Variants in NXPH1 observed in about 807,000 individuals in gnomAD.
NXPH1 encodes the protein neurexophilin-1.
A neutral mutation model predicts 23.7 loss-of-function variants in NXPH1; 5 were observed. That is an observed-to-expected ratio of 0.21 (90% CI 0.11 to 0.44). The LOEUF is 0.44. Among genes scored for constraint, NXPH1 ranks in the 20% least tolerant of loss-of-function variants. The pLI, the probability that NXPH1 is intolerant of heterozygous loss-of-function variation, is 0.99. For synonymous variants in NXPH1, 144 were observed against 122.2 expected, an observed-to-expected ratio of 1.18 and a Z score of -1.18; for missense variants, 324 against 321.6, an observed-to-expected ratio of 1.01 and a Z score of -0.06.
At chr7:8,528,834 C>T (rs907255372) in intron 2 of NXPH1, among the ~76,000 whole-genome samples, 1 of 152,200 alleles carries the variant, frequency 6.6e-6, no homozygotes, top group Non-Finnish European at 1.5e-5. Context: ...TTCTATTGCT[C>T]TAATAACAAA....
intron 2 of NXPH1, among the ~76,000 whole-genome samples, chr7:8,561,075 CACCAA>C (rs1190348455): frequency 6.6e-6 from 1 of 151,626 alleles, no homozygotes; most frequent in Admixed American, 6.6e-5. Flanking sequence ...AGGGCAGCAG[CACCAA>C]TTATAACTAC....
At chr7:8,586,147 A>T (rs1818976016) in intron 2 of NXPH1, among the ~76,000 whole-genome samples, 1 of 152,186 alleles carries the variant, frequency 6.6e-6, no homozygotes, top group South Asian at 2.1e-4. Flanking sequence ...TAAGAATGGA[A>T]TCAATTGACT....
At chr7:8,586,857 G>T (rs28670709) in intron 2 of NXPH1, among the ~76,000 whole-genome samples, 59,194 of 151,780 alleles carry the variant, frequency 0.39, 14,665 homozygotes, top group African/African-American at 0.71. Flanking sequence ...GAATTTTAAT[G>T]CATCAGACTA....
intron 2 of NXPH1, among the ~76,000 whole-genome samples, chr7:8,666,969 A>G (rs1392604679): frequency 6.6e-6 from 1 of 151,944 alleles, no homozygotes. Context: ...TTGTTCATCT[A>G]CTATAGGTTT....
chr7:8,667,071 A>T (rs928641231), intron 2 of NXPH1, among the ~76,000 whole-genome samples: 1 of 152,130 alleles, frequency 6.6e-6, no homozygotes, highest in Non-Finnish European at 1.5e-5. Flanking sequence ...TCACATTAAA[A>T]ACTGAACACT....
chr7:8,614,731 A>G (rs1448277173), intron 2 of NXPH1, among the ~76,000 whole-genome samples: 1 of 152,018 alleles, frequency 6.6e-6, no homozygotes, highest in Non-Finnish European at 1.5e-5. Flanking sequence ...TAGAAACTCT[A>G]TGTTTGATTA....
chr7:8,520,663 A>G (rs1179949297), intron 2 of NXPH1, among the ~76,000 whole-genome samples: 1 of 144,364 alleles, frequency 6.9e-6, no homozygotes, highest in Non-Finnish European at 1.5e-5. Context: ...CTGTTTGACC[A>G]TGCCCAAGAA....
intron 2 of NXPH1, among the ~76,000 whole-genome samples, chr7:8,657,970 G>C (rs1820607984): frequency 6.6e-6 from 1 of 152,222 alleles, no homozygotes; most frequent in Non-Finnish European, 1.5e-5. Context: ...GGAAGTTGCA[G>C]TGAGCCGAGA....
intron 2 of NXPH1, among the ~76,000 whole-genome samples, chr7:8,554,791 G>A (rs1818330839): frequency 6.6e-6 from 1 of 151,716 alleles, no homozygotes; most frequent in East Asian, 2.0e-4. Context: ...GAACAGTTAC[G>A]TTTGTAACAG....
At chr7:8,534,393 C>T (rs1468074303) in intron 2 of NXPH1, among the ~76,000 whole-genome samples, 1 of 152,054 alleles carries the variant, frequency 6.6e-6, no homozygotes, top group South Asian at 2.1e-4. Context: ...AGGTTGAAAA[C>T]GTTTGGGTAT....
intron 2 of NXPH1, among the ~76,000 whole-genome samples, chr7:8,545,522 C>A (rs1818185958): frequency 6.6e-6 from 1 of 151,324 alleles, no homozygotes; most frequent in Non-Finnish European, 1.5e-5. Flanking sequence ...TACATATATA[C>A]CTCAATACAC....
At chr7:8,678,928 ATTTTTT>A (rs540056222) in intron 2 of NXPH1, among the ~76,000 whole-genome samples, 215 of 68,654 alleles carry the variant, frequency 3.1e-3, no homozygotes, top group East Asian at 0.025. Flanking sequence ...GCTTTATCCA[ATTTTTT>A]TTTTTTTTTT....
Position 8,447,853 on chromosome 7 carries a change from G to A in NXPH1, c.54+12086G>A, listed in dbSNP as rs1816432303. Among the ~76,000 whole-genome samples, 4 of 152,292 alleles carry A rather than the reference G, an allele frequency of 2.6e-5. 1 individual carries two copies. The South Asian group carries it at 8.3e-4, about 32-fold the overall frequency. On this transcript the variant is annotated intron_variant, in intron 2 of 2. Transcript: ENST00000405863. ...GGTTAAAAGTGTGAGAGGCTTTAAA[G>A]GCAAAGCCACGTGCCTCCAGGTGGC... is the stretch of plus-strand genomic sequence containing the variant.
chr7:8,582,316 T>A lies in NXPH1; in HGVS notation c.54+146549T>A, dbSNP rs1216972255. Among the ~76,000 whole-genome samples, 3 of 152,194 alleles carry A rather than the reference T, an allele frequency of 2.0e-5. No individual in the cohort carries two copies. The East Asian group carries it at 5.8e-4, about 29-fold the overall frequency. On this transcript the variant is annotated intron_variant, in intron 2 of 2. Coordinates refer to ENST00000405863, the MANE Select transcript of NXPH1 (RefSeq NM_152745.3). ...GTGGGGTCTGTGTTTCAGCCCTGTT[T>A]GCGTTATAGCTCTTTCAGTCCTGCC... is the stretch of plus-strand genomic sequence containing the variant.
At chr7:8,614,476 T>G (rs549447325) in intron 2 of NXPH1, among the ~76,000 whole-genome samples, 41 of 152,022 alleles carry the variant, frequency 2.7e-4, no homozygotes, top group Non-Finnish European at 4.3e-4. Flanking sequence ...GTCTATAGAT[T>G]TTATGCATAT....
intron 2 of NXPH1, among the ~76,000 whole-genome samples, chr7:8,502,319 TA>T (rs1433682464): frequency 6.6e-6 from 1 of 152,084 alleles, no homozygotes; most frequent in Non-Finnish European, 1.5e-5. Context: ...CAGGATTCCC[TA>T]TCAAGGGAAC....
intron 2 of NXPH1, among the ~76,000 whole-genome samples, chr7:8,552,922 G>A (rs900538428): frequency 5.3e-5 from 8 of 151,502 alleles, no homozygotes; most frequent in East Asian, 2.0e-4. Context: ...TAATGGTCAC[G>A]TATGAAGTGT....
intron 2 of NXPH1, among the ~76,000 whole-genome samples, chr7:8,492,281 G>A (rs1232292305): frequency 6.6e-6 from 1 of 151,926 alleles, no homozygotes; most frequent in Non-Finnish European, 1.5e-5. Context: ...TATCCATGAT[G>A]TCACTCTTAT....
chr7:8,556,395 T>C (rs1818359248), intron 2 of NXPH1, among the ~76,000 whole-genome samples: 1 of 151,692 alleles, frequency 6.6e-6, no homozygotes, highest in Non-Finnish European at 1.5e-5. Flanking sequence ...CCAAGATTGC[T>C]CACTCACCTG....
Sources: gnomAD v4.1 joint callset for allele counts (sites outside exome capture counted in the v4.1 genomes callset) on GRCh38, gnomAD v4.1.1 for gene constraint, MANE v1.5 for transcripts, NCBI Gene and HGNC (gene_info 2026-07-23, HGNC 2026-07-21) for gene names.